The following RUFY3 variants were observed in gnomAD, a reference collection of about 807,000 sequenced individuals.
RUFY3 encodes RUN and FYVE domain containing 3, also known as protein RUFY3.
In RUFY3, 34 loss-of-function variants were observed where a neutral mutation model predicts 84.0. The observed-to-expected ratio is 0.40, with a 90% CI of 0.31 to 0.54. The LOEUF (loss-of-function observed/expected upper bound fraction) is 0.54. Among genes scored for constraint, RUFY3 ranks in the 20% least tolerant of loss-of-function variants. RUFY3 has a pLI of 0.39. For missense variants in RUFY3, 507 were observed against 736.8 expected (o/e 0.69, Z 3.61); for synonymous variants, 242 against 252.9 (o/e 0.96, Z 0.41).
At chr4:70,793,019 T>C in intron 12 of RUFY3, 2 of 985,318 alleles carry the variant, frequency 2.0e-6, no homozygotes, top group Middle Eastern at 5.2e-4. Context: ...TAAATTCTAT[T>C]ATATAAAGCC....
intron 9 of RUFY3, among the ~76,000 whole-genome samples, chr4:70,783,680 A>G (rs1729306161): frequency 6.6e-6 from 1 of 152,230 alleles, no homozygotes; most frequent in Non-Finnish European, 1.5e-5. Context: ...TTAATTAAGG[A>G]CATAATTTAA....
chr4:70,754,357 A>G (rs575892882), intron 1 of RUFY3, among the ~76,000 whole-genome samples: 76 of 152,196 alleles, frequency 5.0e-4, no homozygotes, highest in African/African-American at 1.8e-3. Context: ...CTGGCTGGTT[A>G]ATTTTTTTGA....
chr4:70,764,337 C>A, intron 3 of RUFY3, 138 bp from the exon 4 acceptor site: 1 of 604,622 alleles, frequency 1.7e-6, no homozygotes, highest in Non-Finnish European at 2.9e-6. Context: ...TGGGAATGTA[C>A]TGGGAGAGGT....
intron 15 of RUFY3, 113 bp from the exon 16 acceptor site, chr4:70,802,843 A>G (rs1732399882): frequency 2.9e-6 from 2 of 691,392 alleles, no homozygotes; most frequent in Non-Finnish European, 2.5e-6. Context: ...TAAAAGACCT[A>G]CAGTATTTCT....
chr4:70,748,695 A>G (rs1320929593), intron 1 of RUFY3, among the ~76,000 whole-genome samples: 1 of 152,156 alleles, frequency 6.6e-6, no homozygotes, highest in Non-Finnish European at 1.5e-5. Flanking sequence ...CCAGAGTCCC[A>G]TGGGGTGACA....
intron 1 of RUFY3, among the ~76,000 whole-genome samples, chr4:70,744,654 A>AT (rs112584509): frequency 0.031 from 3,999 of 128,192 alleles, 198 homozygotes; most frequent in African/African-American, 0.097. Flanking sequence ...CTTATTTTGA[A>AT]TTTTTTTTTT....
At chr4:70,733,039 C>G (rs1428010579) in intron 1 of RUFY3, among the ~76,000 whole-genome samples, 1 of 145,540 alleles carries the variant, frequency 6.9e-6, no homozygotes, top group Non-Finnish European at 1.5e-5. Context: ...TGCACTCTAA[C>G]CTGGGCAACA....
In RUFY3 at chr4:70,764,484, A is replaced by G. The variant is rs758985167; in HGVS notation, c.480A>G (p.Val160=). 1.2e-6 allele frequency: 2 copies of G among 1,610,594 alleles called. No individual in the cohort carries two copies. The highest frequency in any genetic ancestry group is 1.7e-6 in the Non-Finnish European group (2 of 1,177,122). The change falls in exon 4 of 18, where the codon GTA becomes GTG. Residue 160 remains valine, a synonymous_variant. Transcript: ENST00000381006. ...TTCTGTGTTTTTGTAGGACACCAGT[A>G]GGTAGAGGAAGAGCCTGGCTTCGTT... The part of the protein sequence containing the change: ...VKDLPGLKTP[V]GRGRAWLRLA...
intron 4 of RUFY3, among the ~76,000 whole-genome samples, chr4:70,765,460 A>G (rs988788754): frequency 6.6e-6 from 1 of 152,160 alleles, no homozygotes; most frequent in Non-Finnish European, 1.5e-5. Flanking sequence ...TTTCCTGATC[A>G]TGATAGTGAT....
chr4:70,750,568 T>C (rs1042878165), intron 1 of RUFY3, among the ~76,000 whole-genome samples: 6 of 152,244 alleles, frequency 3.9e-5, no homozygotes, highest in African/African-American at 1.4e-4. Flanking sequence ...GTCACCACTT[T>C]AAAGTGTACA....
rs1393334926 is a variant in RUFY3 at position 70,787,211 on chromosome 4, TATA to T, written c.1072-1593_1072-1591del. Among the ~76,000 whole-genome samples, 393 of 132,112 alleles carry T rather than the reference TATA, an allele frequency of 3.0e-3. 5 individuals carry two copies. The highest frequency in any genetic ancestry group is 0.016 in the South Asian group (61 of 3,932). 86.7% of individuals were successfully genotyped at this position (132,112 alleles called of 152,430 possible). On this transcript the variant is annotated intron_variant, in intron 10 of 17. Transcript: ENST00000381006. ...AAATATATATATATATATATATATATATAAAAACAAATTGACAGTATATAACAT... is the reference window on the plus strand; with the variant it reads ...AAATATATATATATATATATATATATAAAACAAATTGACAGTATATAACAT...
intron 10 of RUFY3, among the ~76,000 whole-genome samples, chr4:70,787,868 C>T (rs1466951766): frequency 1.3e-5 from 2 of 152,084 alleles, no homozygotes; most frequent in East Asian, 3.9e-4. Context: ...ATTTGAGGTC[C>T]TAGGTGAGCC....
chr4:70,759,995 A>G (rs559687396), intron 1 of RUFY3, among the ~76,000 whole-genome samples: 2 of 152,318 alleles, frequency 1.3e-5, no homozygotes, highest in South Asian at 2.1e-4. Flanking sequence ...ATCTAGCTTA[A>G]AATGTCAACA....
At chr4:70,767,257 G>GTTTTTTTTT (rs1213309164) in intron 4 of RUFY3, among the ~76,000 whole-genome samples, 1 of 68,934 alleles carries the variant, frequency 1.5e-5, no homozygotes, top group African/African-American at 5.7e-5. Context: ...GGCTAATTTT[G>GTTTTTTTTT]TATTTTTTTT....
intron 1 of RUFY3, among the ~76,000 whole-genome samples, chr4:70,752,353 T>G (rs572185174): frequency 1.4e-4 from 21 of 152,278 alleles, no homozygotes; most frequent in Non-Finnish European, 2.8e-4. Flanking sequence ...ATATACAAGA[T>G]CATGTCATCT....
chr4:70,720,047 T>C (rs1476375526), upstream of RUFY3, among the ~76,000 whole-genome samples: 1 of 152,188 alleles, frequency 6.6e-6, no homozygotes, highest in African/African-American at 2.4e-5. Context: ...TATATATGCC[T>C]TCTTACATTG....
chr4:70,768,253 G>A (rs1367715442), intron 4 of RUFY3, among the ~76,000 whole-genome samples: 1 of 152,282 alleles, frequency 6.6e-6, no homozygotes, highest in Admixed American at 6.5e-5. Context: ...GTTCAGTCAC[G>A]TCTTTCTGCC....
intron 14 of RUFY3, among the ~76,000 whole-genome samples, chr4:70,796,824 C>T (rs1384472004): frequency 1.3e-5 from 2 of 152,170 alleles, no homozygotes; most frequent in African/African-American, 4.8e-5. Context: ...TTTTGTAAAG[C>T]ATCAATAATT....
intron 12 of RUFY3, chr4:70,791,714 T>C (rs1459767488): frequency 6.0e-6 from 6 of 1,004,998 alleles, no homozygotes; most frequent in African/African-American, 1.7e-5. Context: ...GCCATTGCAG[T>C]GTGATGAACC....
Sources: allele counts gnomAD v4.1 joint callset (sites outside exome capture counted in the v4.1 genomes callset), GRCh38; gene constraint gnomAD v4.1.1; transcripts MANE v1.5; gene names NCBI Gene and HGNC (gene_info 2026-07-23, HGNC 2026-07-21).